Variants in VMA21 observed in about 807,000 individuals in gnomAD.
The protein encoded by VMA21 is vacuolar ATPase assembly factor VMA21.
For synonymous variants in VMA21, 47 were observed against 34.1 expected, an observed-to-expected ratio of 1.38 and a Z score of -1.32; for missense variants, 61 against 80.6, an observed-to-expected ratio of 0.76 and a Z score of 0.93.
At chrX:151,399,695 A>T (rs2011223249) in intron 1 of VMA21, among the ~76,000 whole-genome samples, 2 of 111,909 alleles carry the variant, frequency 1.8e-5, no homozygotes, top group Admixed American at 1.9e-4. Flanking sequence ...ATGTATATTA[A>T]ATGAGAGTTG....
intron 1 of VMA21, 23 bp downstream of exon 1, chrX:151,397,384 CCGCGAGGCGGACTGGCCCCAGCCTGGAG>C (rs2011201824): frequency 2.6e-6 from 3 of 1,157,468 alleles, no homozygotes; most frequent in Non-Finnish European, 3.4e-6. Flanking sequence ...GGGGCCTGGA[CCGCGAGGCGGACTGGCCCCAGCCTGGAG>C]CAGGGCTTGA....
At chrX:151,402,308 A>G (rs192189040) in intron 1 of VMA21, among the ~76,000 whole-genome samples, 54 of 111,759 alleles carry the variant, frequency 4.8e-4, no homozygotes, top group African/African-American at 1.7e-3. Flanking sequence ...TGGCCTCCCA[A>G]GTAGCTGGGA....
Position 151,397,287 on chromosome X carries a change from C to G in VMA21, c.-22C>G. The G allele has an allele frequency of 8.7e-7, 1 of 1,155,934 alleles. No homozygotes were observed. Among genetic ancestry groups the G allele is most frequent in the Non-Finnish European group, 1.1e-6 (1 of 870,082 alleles). On this transcript the variant is annotated 5_prime_UTR_variant, in exon 1 of 3. Coordinates refer to ENST00000330374, the MANE Select transcript of VMA21 (RefSeq NM_001017980.4). ...CCGAGCCCAGCTCCGCCGCCGAGCGCCTGTGCCGGCACGGCTACACCATGG... is the reference window on the plus strand; with the variant it reads ...CCGAGCCCAGCTCCGCCGCCGAGCGGCTGTGCCGGCACGGCTACACCATGG...
chrX:151,403,964 A>G (rs1386234399), intron 2 of VMA21, among the ~76,000 whole-genome samples: 1 of 111,812 alleles, frequency 8.9e-6, no homozygotes, highest in East Asian at 2.8e-4. Context: ...TTCTCTTAGT[A>G]CCTTTTAAAG....
chrX:151,399,139 A>G lies in VMA21; in HGVS notation c.53+1778A>G, dbSNP rs1193764475. On this transcript the variant is annotated intron_variant, in intron 1 of 2. Coordinates refer to ENST00000330374, the MANE Select transcript of VMA21 (RefSeq NM_001017980.4). ...GTATGTACACTTTGACTTAATGCTT[A>G]GTCCCATATTAGTGAGGTCACAACA... 3.6e-5 allele frequency among the ~76,000 whole-genome samples: 4 copies of G among 112,101 alleles called. No individual in the cohort carries two copies. In the Admixed American group the frequency reaches 3.8e-4, roughly 11 times the overall value.
upstream of VMA21, chrX:151,397,027 T>G (rs753507302): frequency 2.0e-6 from 1 of 502,543 alleles, no homozygotes; most frequent in Admixed American, 2.8e-5. Context: ...AGGCCCCTCC[T>G]GGCAGGGCGC....
Position 151,397,236 on chromosome X carries a change from C to A in VMA21, c.-73C>A. Reference sequence around the variant, plus strand: ...CGGTGCGAACCGCCTCGGCCGTTCCCTCGCGGAGCTTACTGAGCGCGGCCG... The same window carrying A: ...CGGTGCGAACCGCCTCGGCCGTTCCATCGCGGAGCTTACTGAGCGCGGCCG... On this transcript the variant is annotated 5_prime_UTR_variant, in exon 1 of 3. Coordinates refer to ENST00000330374, the MANE Select transcript of VMA21 (RefSeq NM_001017980.4). 9.1e-7 allele frequency: 1 copy of A among 1,103,907 alleles called. No homozygotes were observed. The highest frequency in any genetic ancestry group is 1.2e-6 in the Non-Finnish European group (1 of 831,151). The allele number at this position is 1,103,907 out of a possible 1,213,427, so 91.0% of individuals were successfully genotyped here.
rs2011296506 is a variant in VMA21, at chrX:151,406,676, C to T, written c.*1618C>T. On this transcript the variant is annotated 3_prime_UTR_variant, in exon 3 of 3. Transcript: ENST00000330374. ...GATTACAGGCGTGAGCTACCACGCC[C>T]GGCCTTATTGACCATTTTCTAAATA... is the stretch of plus-strand genomic sequence containing the variant. 8.9e-6 allele frequency: 1 copy of T among 111,920 alleles called. No individual in the cohort carries two copies. The highest frequency in any genetic ancestry group is 3.2e-5 in the African/African-American group (1 of 30,792). The allele number at this position is 111,920 out of a possible 1,213,427, so 9.2% of individuals were successfully genotyped here.
rs1179795535 is a variant in VMA21 at position 151,404,987 on chromosome X, G to C, written c.235G>C (p.Val79Leu). Residue 79 changes from valine to leucine, a missense_variant, in exon 3 of 3, where the codon GTG (valine) becomes CTG (leucine). Transcript: ENST00000330374. ...AIVAVVAVHV[V>L]LALFVYVAWN... Reference sequence around the variant, plus strand: ...TGTTGCAGTGGTCGCCGTCCATGTGGTGCTGGCCCTCTTTGTGTATGTGGC... The same window carrying C: ...TGTTGCAGTGGTCGCCGTCCATGTGCTGCTGGCCCTCTTTGTGTATGTGGC... 1 of 1,211,028 alleles carries C rather than the reference G, an allele frequency of 8.3e-7. No individual in the cohort carries two copies.
At chrX:151,401,225 G>A (rs6627389) in intron 1 of VMA21, among the ~76,000 whole-genome samples, 1 of 111,529 alleles carries the variant, frequency 9.0e-6, no homozygotes, top group African/African-American at 3.3e-5. Context: ...TAAGAGTCCA[G>A]TTTTTTTCTT....
chrX:151,404,723 A>G (rs1395652961), intron 2 of VMA21, among the ~76,000 whole-genome samples, 193 bp from the exon 3 acceptor site: 1 of 112,319 alleles, frequency 8.9e-6, no homozygotes, highest in African/African-American at 3.2e-5. Flanking sequence ...CCCGGCCAAC[A>G]TAATGTTCTT....
At chrX:151,396,830 C>T, upstream of VMA21, 2 of 512,592 alleles carry the variant, frequency 3.9e-6, no homozygotes, top group Non-Finnish European at 7.1e-6. Context: ...AGTCCCTCTT[C>T]GCGGCTCATA....
Position 151,405,091 on chromosome X carries a change from A to G in VMA21, c.*33A>G, listed in dbSNP as rs1327698159. 1 of 1,197,726 alleles carries G rather than the reference A, an allele frequency of 8.3e-7. No homozygotes were observed. The highest frequency in any genetic ancestry group is 1.1e-6 in the Non-Finnish European group (1 of 887,214). On this transcript the variant is annotated 3_prime_UTR_variant, in exon 3 of 3. Coordinates refer to ENST00000330374, the MANE Select transcript of VMA21 (RefSeq NM_001017980.4). ...ATCACCTTTTTATAGCATTAAATTCATTTTTTAAAATGATAAATGCTGGAG... is the reference window on the plus strand; with the variant it reads ...ATCACCTTTTTATAGCATTAAATTCGTTTTTTAAAATGATAAATGCTGGAG...
Position 151,407,252 on chromosome X carries a change from A to G in VMA21, c.*2194A>G, listed in dbSNP as rs1247453381. The G allele has an allele frequency of 8.8e-6, 1 of 113,057 alleles. No individual in the cohort carries two copies. The highest frequency in any genetic ancestry group is 1.9e-5 in the Non-Finnish European group (1 of 53,342). 9.3% of individuals were successfully genotyped at this position (113,057 alleles called of 1,213,427 possible). A position where few individuals can be genotyped will look rare whatever the true frequency, so the allele number is the denominator to read the frequency against. The stretch of plus-strand genomic sequence containing the variant: ...AGGCAGTTGTAATTTCCTCTTGGAA[A>G]AAGCGCCAAATGTTTGAAGGTTAAA... On this transcript the variant is annotated 3_prime_UTR_variant, in exon 3 of 3. Coordinates refer to ENST00000330374, the MANE Select transcript of VMA21 (RefSeq NM_001017980.4).
Position 151,406,226 on chromosome X carries a change from A to G in VMA21, c.*1168A>G, listed in dbSNP as rs1371668191. The G allele has an allele frequency of 8.9e-6, 1 of 112,091 alleles. No individual in the cohort carries two copies. Among genetic ancestry groups the G allele is most frequent in the Non-Finnish European group, 1.9e-5 (1 of 53,274 alleles). 9.2% of individuals were successfully genotyped at this position (112,091 alleles called of 1,213,427 possible). A position where few individuals can be genotyped will look rare whatever the true frequency, so the allele number is the denominator to read the frequency against. Reference sequence around the variant, plus strand: ...ACCTCTATTTTAGTTGATATCCCGTATTCATTTTTGAAAGCCATTCCTTAA... The same window carrying G: ...ACCTCTATTTTAGTTGATATCCCGTGTTCATTTTTGAAAGCCATTCCTTAA... On this transcript the variant is annotated 3_prime_UTR_variant, in exon 3 of 3. Transcript: ENST00000330374.
intron 2 of VMA21, 65 bp from the exon 3 acceptor site, chrX:151,404,850 GT>G (rs376063441): frequency 0.025 from 19,515 of 786,215 alleles, no homozygotes; most frequent in Non-Finnish European, 0.028. Flanking sequence ...AGGATGCTTT[GT>G]TTTTTTTTTT....
rs940852127 is a variant in VMA21 at position 151,404,651 on chromosome X, A to C, written c.164-265A>C. ...TAGCCAGGATGGTTTCCATCTCCTG[A>C]CCTCGTGATCTGCCCGTCTTGGCCT... is the stretch of plus-strand genomic sequence containing the variant. On this transcript the variant is annotated intron_variant, in intron 2 of 2. Coordinates refer to ENST00000330374, the MANE Select transcript of VMA21 (RefSeq NM_001017980.4). Among the ~76,000 whole-genome samples, 5 of 104,064 alleles carry C rather than the reference A, an allele frequency of 4.8e-5. 1 individual carries two copies. The highest frequency in any genetic ancestry group is 7.9e-5 in the Non-Finnish European group (4 of 50,838). The allele number at this position is 104,064 out of a possible 115,157, so 90.4% of individuals were successfully genotyped here.
chrX:151,404,300 C>T (rs1339929318), intron 2 of VMA21, among the ~76,000 whole-genome samples: 2 of 112,402 alleles, frequency 1.8e-5, no homozygotes, highest in East Asian at 5.6e-4. Context: ...GTCTCGAACT[C>T]GTGACCTCAG....
At chrX:151,401,905 C>G (rs1374709529) in intron 1 of VMA21, among the ~76,000 whole-genome samples, 2 of 110,596 alleles carry the variant, frequency 1.8e-5, no homozygotes, top group Non-Finnish European at 3.8e-5. Context: ...TGCCACCATG[C>G]CCAGCGAATT....
Sources: allele counts gnomAD v4.1 joint callset (sites outside exome capture counted in the v4.1 genomes callset), GRCh38; gene constraint gnomAD v4.1.1; transcripts MANE v1.5; gene names NCBI Gene and HGNC (gene_info 2026-07-23, HGNC 2026-07-21).